The following CSMD1 variants were observed in gnomAD, a reference collection of about 807,000 sequenced individuals.
The protein encoded by CSMD1 is CUB and Sushi multiple domains 1, also known as CUB and sushi domain-containing protein 1.
A neutral mutation model predicts 417.5 loss-of-function variants in CSMD1; 213 were observed. That is an observed-to-expected ratio of 0.51 (90% CI 0.46 to 0.57). CSMD1 has a LOEUF of 0.57. CSMD1 is among the 20% of genes least tolerant of loss of function. The probability of loss-of-function intolerance (pLI) is 0.00; values close to 1 mark genes in which losing one functional copy is unlikely to be tolerated. For missense variants in CSMD1, 6,923 were observed against 4,529.7 expected, an observed-to-expected ratio of 1.53 and a Z score of -15.17; for synonymous variants, 2,862 against 1,736.8, an observed-to-expected ratio of 1.65 and a Z score of -16.11.
intron 1 of CSMD1, among the ~76,000 whole-genome samples, chr8:4,840,510 G>T (rs557467196): frequency 6.6e-6 from 1 of 152,164 alleles, no homozygotes; most frequent in Admixed American, 6.5e-5. Flanking sequence ...ATTAAGTTAT[G>T]GTGGTGAGAC....
At chr8:3,734,135 A>C (rs1349206490) in intron 6 of CSMD1, among the ~76,000 whole-genome samples, 2 of 152,184 alleles carry the variant, frequency 1.3e-5, no homozygotes, top group Non-Finnish European at 2.9e-5. Flanking sequence ...AAAGATATTT[A>C]ATTATTTAAG....
At chr8:3,797,423 C>T (rs896775112) in intron 5 of CSMD1, among the ~76,000 whole-genome samples, 6 of 151,934 alleles carry the variant, frequency 3.9e-5, no homozygotes, top group African/African-American at 1.2e-4. Context: ...TTTCCTCTTA[C>T]ATTCAGTTTC....
intron 1 of CSMD1, among the ~76,000 whole-genome samples, chr8:4,758,828 A>C (rs1811839677): frequency 6.6e-6 from 1 of 152,128 alleles, no homozygotes; most frequent in African/African-American, 2.4e-5. Context: ...ACCACCTCCC[A>C]CCAGGTCTCT....
intron 42 of CSMD1, among the ~76,000 whole-genome samples, chr8:3,112,264 C>G (rs1040598026): frequency 5.9e-5 from 9 of 152,190 alleles, no homozygotes; most frequent in Non-Finnish European, 1.3e-4. Context: ...TAGGCTGAAA[C>G]CCTTTACAGG....
chr8:3,133,462 G>A (rs1304382972), intron 41 of CSMD1, among the ~76,000 whole-genome samples: 1 of 152,164 alleles, frequency 6.6e-6, no homozygotes, highest in Non-Finnish European at 1.5e-5. Flanking sequence ...TTGGCCTCAG[G>A]GGAAGAGAGG....
At chr8:3,701,474 A>G (rs964420492) in intron 7 of CSMD1, among the ~76,000 whole-genome samples, 23 of 150,892 alleles carry the variant, frequency 1.5e-4, no homozygotes, top group African/African-American at 5.6e-4. Flanking sequence ...GGCTGACATG[A>G]GGGCAAAAGA....
intron 3 of CSMD1, among the ~76,000 whole-genome samples, chr8:4,401,403 GACC>G (rs1237519108): frequency 1.3e-5 from 2 of 152,102 alleles, no homozygotes; most frequent in Non-Finnish European, 2.9e-5. Context: ...AGTTGTTTAT[GACC>G]ACAACTATTT....
intron 10 of CSMD1, among the ~76,000 whole-genome samples, chr8:3,541,508 G>C (rs183846187): frequency 6.3e-4 from 95 of 151,408 alleles, no homozygotes; most frequent in African/African-American, 2.1e-3. Context: ...TGCACCTCCT[G>C]CACATCTATT....
At chr8:3,099,791 G>C (rs2129012054) in intron 46 of CSMD1, among the ~76,000 whole-genome samples, 1 of 152,060 alleles carries the variant, frequency 6.6e-6, no homozygotes, top group East Asian at 1.9e-4. Flanking sequence ...TTGTTTCTTA[G>C]GAAAGACAAA....
At chr8:4,136,116 C>G (rs1803417371) in intron 3 of CSMD1, among the ~76,000 whole-genome samples, 1 of 152,088 alleles carries the variant, frequency 6.6e-6, no homozygotes, top group African/African-American at 2.4e-5. Context: ...AGGAAACTTT[C>G]CAAAGGACCT....
intron 5 of CSMD1, among the ~76,000 whole-genome samples, chr8:3,791,382 T>G (rs771084836): frequency 6.6e-6 from 1 of 152,230 alleles, no homozygotes; most frequent in African/African-American, 2.4e-5. Flanking sequence ...GAAGAAAATC[T>G]TTCAAAGCTC....
intron 2 of CSMD1, among the ~76,000 whole-genome samples, chr8:4,430,098 G>A (rs1382455530): frequency 1.3e-5 from 2 of 152,144 alleles, no homozygotes; most frequent in Non-Finnish European, 2.9e-5. Context: ...TTAAATCCCA[G>A]AAGTGAGGTT....
rs1225795574 is a variant in CSMD1 at position 3,819,557 on chromosome 8, CACACG to C, written c.819-65520_819-65516del. Among the ~76,000 whole-genome samples, 80 of 85,826 alleles carry C rather than the reference CACACG, an allele frequency of 9.3e-4. 1 individual carries two copies. Among genetic ancestry groups the C allele is most frequent in the Middle Eastern group, 6.1e-3 (1 of 164 alleles). 56.3% of individuals were successfully genotyped at this position (85,826 alleles called of 152,430 possible). On this transcript the variant is annotated intron_variant, in intron 5 of 69. Transcript: ENST00000635120. ...CTACACACACACACACACACACACA[CACACG>C]TATGTATATAAACGCCAACATGCGT...
intron 39 of CSMD1, among the ~76,000 whole-genome samples, chr8:3,155,787 A>G (rs917275761): frequency 2.6e-5 from 4 of 152,122 alleles, no homozygotes; most frequent in African/African-American, 7.2e-5. Context: ...TCTAAGGTAT[A>G]TTTTTCACTT....
At chr8:3,133,549 G>A (rs769376170) in intron 41 of CSMD1, among the ~76,000 whole-genome samples, 1 of 152,174 alleles carries the variant, frequency 6.6e-6, no homozygotes, top group South Asian at 2.1e-4. Context: ...CGAGAGTGAA[G>A]CCCCTAACCC....
intron 5 of CSMD1, among the ~76,000 whole-genome samples, chr8:3,932,907 C>A (rs961921171): frequency 6.7e-6 from 1 of 150,086 alleles, no homozygotes; most frequent in Non-Finnish European, 1.5e-5. Flanking sequence ...TAGCAACACA[C>A]TTCTATTTAG....
At chr8:4,589,483 C>G (rs1227181189) in intron 2 of CSMD1, among the ~76,000 whole-genome samples, 1 of 152,188 alleles carries the variant, frequency 6.6e-6, no homozygotes, top group Non-Finnish European at 1.5e-5. Flanking sequence ...CTCTGCTGAT[C>G]AGTGCCTGCG....
chr8:4,945,566 T>C (rs1223989623), intron 1 of CSMD1, among the ~76,000 whole-genome samples: 1 of 150,140 alleles, frequency 6.7e-6, no homozygotes, highest in African/African-American at 2.5e-5. Context: ...CTTTAAAAAA[T>C]AAAGACAAGA....
At chr8:3,635,268 G>T (rs1373554074) in intron 7 of CSMD1, among the ~76,000 whole-genome samples, 2 of 152,010 alleles carry the variant, frequency 1.3e-5, no homozygotes, top group Non-Finnish European at 2.9e-5. Flanking sequence ...GAGGTCAGGT[G>T]TTCAAGACCA....
Sources: allele counts gnomAD v4.1 joint callset (sites outside exome capture counted in the v4.1 genomes callset), GRCh38; gene constraint gnomAD v4.1.1; transcripts MANE v1.5; gene names NCBI Gene and HGNC (gene_info 2026-07-23, HGNC 2026-07-21).